Variants in PAK5 observed in about 807,000 individuals in gnomAD.
PAK5 encodes p21 (RAC1) activated kinase 5, also known as serine/threonine-protein kinase PAK 5.
Under a neutral mutation model 65.9 loss-of-function variants are expected in PAK5, and 16 were observed. The observed-to-expected ratio is 0.24, with a 90% CI of 0.16 to 0.37. The LOEUF is 0.37. Ranked by LOEUF, PAK5 falls within the 10% of genes least tolerant of loss-of-function variation. The probability of loss-of-function intolerance (pLI) is 1.00; values close to 1 mark genes in which losing one functional copy is unlikely to be tolerated. For synonymous variants in PAK5, 371 were observed against 354.9 expected (o/e 1.05, Z -0.51); for missense variants, 785 against 903.9 (o/e 0.87, Z 1.69).
At chr20:9,699,066 A>G (rs754246123) in intron 2 of PAK5, among the ~76,000 whole-genome samples, 3 of 152,144 alleles carry the variant, frequency 2.0e-5, no homozygotes, top group Admixed American at 6.5e-5. Flanking sequence ...TTAGGAACAA[A>G]TCCTTAAAGA....
intron 3 of PAK5, among the ~76,000 whole-genome samples, chr20:9,585,412 CTTTAGACTCT>C (rs1339695109): frequency 3.3e-5 from 5 of 152,180 alleles, no homozygotes; most frequent in Admixed American, 3.3e-4. Flanking sequence ...CTATGGTATG[CTTTAGACTCT>C]TTTAGGCTAA....
intron 1 of PAK5, among the ~76,000 whole-genome samples, chr20:9,816,312 T>C (rs116216137): frequency 1.2e-4 from 19 of 152,294 alleles, no homozygotes; most frequent in African/African-American, 4.3e-4. Flanking sequence ...ATCTGTCCCA[T>C]TAATAGCGAA....
At chr20:9,669,926 C>T (rs2047472114) in intron 2 of PAK5, among the ~76,000 whole-genome samples, 1 of 152,002 alleles carries the variant, frequency 6.6e-6, no homozygotes, top group Non-Finnish European at 1.5e-5. Flanking sequence ...TTCTGCCTCC[C>T]CCCCACCCCA....
chr20:9,715,781 C>A (rs2048137883), intron 1 of PAK5, among the ~76,000 whole-genome samples: 1 of 151,408 alleles, frequency 6.6e-6, no homozygotes, highest in South Asian at 2.1e-4. Flanking sequence ...TCATTCTCAG[C>A]AAACTATCAC....
At chr20:9,768,967 C>T (rs2048803595) in intron 1 of PAK5, among the ~76,000 whole-genome samples, 1 of 152,058 alleles carries the variant, frequency 6.6e-6, no homozygotes, top group Admixed American at 6.5e-5. Flanking sequence ...TTCAGTTTTG[C>T]TATCTAATTG....
intron 4 of PAK5, among the ~76,000 whole-genome samples, chr20:9,571,758 A>C (rs560277243): frequency 6.6e-6 from 1 of 152,194 alleles, no homozygotes; most frequent in East Asian, 1.9e-4. Flanking sequence ...CAGTGGGTTT[A>C]AGTAGGTCAT....
At position 9,562,895 on chromosome 20, in the gene PAK5, T is replaced by G; in HGVS notation, c.1612A>C (p.Thr538Pro). The change falls in exon 6 of 10, where the codon ACC (threonine) becomes CCC (proline). Residue 538 changes from threonine to proline, a missense_variant. This residue lies in a region of PAK5 where 182 missense variants were observed against 273.0 expected (regional missense o/e 0.67). Transcript: ENST00000353224. ...CTGGATAATAAAGAAGCCTACCTGG[T>G]GTGAGTCACAATGTCTGTCAAGGCA... is the stretch of plus-strand genomic sequence containing the variant. ...GGALTDIVTH[T>P]RMNEEQIATV... 1.2e-6 allele frequency: 2 copies of G among 1,613,124 alleles called. No individual in the cohort carries two copies. The highest frequency in any genetic ancestry group is 1.7e-6 in the Non-Finnish European group (2 of 1,179,562).
intron 3 of PAK5, among the ~76,000 whole-genome samples, chr20:9,626,373 A>G (rs2046843729): frequency 6.6e-6 from 1 of 152,224 alleles, no homozygotes; most frequent in African/African-American, 2.4e-5. Context: ...GCGAACTTAC[A>G]ATGCTGTGGC....
intron 4 of PAK5, among the ~76,000 whole-genome samples, chr20:9,572,396 T>C (rs2045805305): frequency 6.6e-6 from 1 of 152,228 alleles, no homozygotes; most frequent in Admixed American, 6.5e-5. Context: ...ACATAAATGA[T>C]GAATTTGTCC....
chr20:9,784,127 A>C (rs2048969353), intron 1 of PAK5, among the ~76,000 whole-genome samples: 1 of 152,180 alleles, frequency 6.6e-6, no homozygotes, highest in Non-Finnish European at 1.5e-5. Context: ...AGAATAGATA[A>C]AATAGGTTTT....
intron 1 of PAK5, among the ~76,000 whole-genome samples, chr20:9,759,402 A>T (rs1011432220): frequency 6.6e-6 from 1 of 152,192 alleles, no homozygotes; most frequent in Non-Finnish European, 1.5e-5. Flanking sequence ...GATCACGATC[A>T]TCTTTTGAGA....
intron 1 of PAK5, among the ~76,000 whole-genome samples, chr20:9,721,583 G>A (rs2048214129): frequency 6.7e-6 from 1 of 149,714 alleles, no homozygotes; most frequent in Non-Finnish European, 1.5e-5. Context: ...AACCCGGGAG[G>A]AGGAGGTTGC....
intron 3 of PAK5, among the ~76,000 whole-genome samples, chr20:9,596,308 T>C (rs147586238): frequency 2.0e-5 from 3 of 152,082 alleles, no homozygotes; most frequent in African/African-American, 7.2e-5. Flanking sequence ...CAGAAAACTA[T>C]ATAAAAAGCT....
intron 3 of PAK5, among the ~76,000 whole-genome samples, chr20:9,622,789 C>T (rs763663326): frequency 5.3e-5 from 8 of 152,164 alleles, no homozygotes; most frequent in African/African-American, 9.7e-5. Flanking sequence ...TGAAACCATC[C>T]GCACCCCTGT....
intron 3 of PAK5, among the ~76,000 whole-genome samples, chr20:9,641,850 C>T (rs938477261): frequency 1.1e-4 from 16 of 152,180 alleles, no homozygotes; most frequent in Non-Finnish European, 8.8e-5. Context: ...TTCCCCATTG[C>T]CCGGGGCCAG....
chr20:9,732,964 C>G (rs2048349661), intron 1 of PAK5, among the ~76,000 whole-genome samples: 1 of 152,160 alleles, frequency 6.6e-6, no homozygotes, highest in Non-Finnish European at 1.5e-5. Context: ...CTCTCTCTTA[C>G]CAATACTGTT....
chr20:9,552,829 C>T (rs573132675), intron 7 of PAK5, among the ~76,000 whole-genome samples: 28 of 151,810 alleles, frequency 1.8e-4, no homozygotes, highest in African/African-American at 6.3e-4. Flanking sequence ...CCAAGCAGTC[C>T]TCCTGCCTCA....
rs561150488 is a variant in PAK5, at chr20:9,690,621, C to A, written c.-12+20665G>T. Among the ~76,000 whole-genome samples, 8 of 152,056 alleles carry A rather than the reference C, an allele frequency of 5.3e-5. No homozygotes were observed. In the East Asian group the frequency reaches 1.5e-3, roughly 29 times the overall value. On this transcript the variant is annotated intron_variant, in intron 2 of 9. Transcript: ENST00000353224. ...ACCTCAGAGTTGATACCACTGCCAG[C>A]CCCTGCTTCCCACCCTGGATCTAGG...
chr20:9,588,632 C>T (rs942787151), intron 3 of PAK5, among the ~76,000 whole-genome samples: 6 of 152,168 alleles, frequency 3.9e-5, no homozygotes, highest in Middle Eastern at 3.2e-3. Context: ...TTTTCCAACA[C>T]GGTTTAACCA....
Sources: gnomAD v4.1 joint callset for allele counts (sites outside exome capture counted in the v4.1 genomes callset) on GRCh38, gnomAD v4.1.1 for gene constraint, gnomAD v4.1.1 regional missense constraint, MANE v1.5 for transcripts, NCBI Gene and HGNC (gene_info 2026-07-23, HGNC 2026-07-21) for gene names.